HMG20A: variants seen among roughly 807,000 people sequenced by gnomAD.
HMG20A encodes the protein high mobility group 20A, also known as high mobility group protein 20A.
A neutral mutation model predicts 43.9 loss-of-function variants in HMG20A; 17 were observed. The observed-to-expected ratio is 0.39, with a 90% CI of 0.27 to 0.58. The LOEUF (loss-of-function observed/expected upper bound fraction) is 0.58. Ranked by LOEUF, HMG20A falls within the 20% of genes least tolerant of loss-of-function variation. The pLI, the probability that HMG20A is intolerant of heterozygous loss-of-function variation, is 0.59. For synonymous variants in HMG20A, 132 were observed against 147.5 expected (o/e 0.89, Z 0.76); for missense variants, 341 against 438.2 (o/e 0.78, Z 1.98).
At chr15:77,457,230 A>G (rs913590744) in intron 1 of HMG20A, among the ~76,000 whole-genome samples, 86 of 152,260 alleles carry the variant, frequency 5.6e-4, no homozygotes, top group African/African-American at 2.0e-3. Flanking sequence ...CATTTTCTTC[A>G]TATTTCCACC....
Position 77,464,393 on chromosome 15 carries a change from C to T in HMG20A, c.237+6C>T. On this transcript the variant is annotated splice_donor_region_variant and intron_variant, in intron 3 of 9. Coordinates refer to ENST00000336216, the MANE Select transcript of HMG20A (RefSeq NM_001304504.2). ...AACAGAGGCATGAAGATGAGGTAAG[C>T]TGAAGTATCTCCTTCTGTTCCTATC... The T allele has an allele frequency of 6.2e-7, 1 of 1,612,808 alleles. No homozygotes were observed. The highest frequency in any genetic ancestry group is 8.5e-7 in the Non-Finnish European group (1 of 1,179,162).
chr15:77,507,828 T>G, the HMG20A span, among the ~76,000 whole-genome samples: 2 of 139,814 alleles, frequency 1.4e-5, no homozygotes, highest in African/African-American at 2.7e-5. Context: ...GGCACAGGGG[T>G]GGGTAAAGAT....
At chr15:77,509,770 G>C in the HMG20A span, among the ~76,000 whole-genome samples, 836 of 151,940 alleles carry the variant, frequency 5.5e-3, 4 homozygotes, top group African/African-American at 0.018. Context: ...AGCCAGGCAT[G>C]GTGGTGCATG....
chr15:77,460,614 A>C (rs1410724148), intron 2 of HMG20A, among the ~76,000 whole-genome samples: 1 of 152,220 alleles, frequency 6.6e-6, no homozygotes, highest in African/African-American at 2.4e-5. Context: ...GAATGAGATC[A>C]CCAAAGAAAT....
intron 1 of HMG20A, among the ~76,000 whole-genome samples, chr15:77,444,015 T>C (rs761906125): frequency 4.6e-5 from 7 of 152,200 alleles, no homozygotes; most frequent in Non-Finnish European, 1.0e-4. Flanking sequence ...CCGACCTGTA[T>C]CTATTCTTTT....
At chr15:77,477,672 C>G (rs1215652431) in intron 7 of HMG20A, 42 bp downstream of exon 7, 2 of 1,340,070 alleles carry the variant, frequency 1.5e-6, no homozygotes, top group Admixed American at 3.5e-5. Flanking sequence ...AGATTTTTGA[C>G]AGGGGACTTA....
At chr15:77,518,050 A>T in the HMG20A span, among the ~76,000 whole-genome samples, 1 of 152,192 alleles carries the variant, frequency 6.6e-6, no homozygotes, top group Admixed American at 6.5e-5. Context: ...GTTCACTCTC[A>T]TCAACACTAG....
chr15:77,427,935 T>C (rs1368811554), intron 1 of HMG20A, among the ~76,000 whole-genome samples: 1 of 152,178 alleles, frequency 6.6e-6, no homozygotes, highest in Admixed American at 6.5e-5. Flanking sequence ...AACCAGTAAG[T>C]GGTAGAGACA....
the HMG20A span, among the ~76,000 whole-genome samples, chr15:77,495,646 C>T: frequency 1.3e-5 from 2 of 152,174 alleles, no homozygotes; most frequent in Non-Finnish European, 2.9e-5. Flanking sequence ...TCCCAAAAGC[C>T]TCTGGAAGAA....
chr15:77,505,090 C>T, the HMG20A span, among the ~76,000 whole-genome samples: 28 of 152,138 alleles, frequency 1.8e-4, no homozygotes, highest in Non-Finnish European at 3.2e-4. Context: ...CTTGATCAAA[C>T]GCCTTCCTCT....
rs538461191 is a variant in HMG20A at position 77,446,794 on chromosome 15, G to A, written c.-4-11610G>A. Among the ~76,000 whole-genome samples the A allele has an allele frequency of 6.4e-4, 95 of 148,566 alleles. 1 individual carries two copies. Among genetic ancestry groups the A allele is most frequent in the South Asian group, 3.8e-3 (18 of 4,724 alleles). The stretch of plus-strand genomic sequence containing the variant: ...TGCACTCCAGCCTGGGTGACAGAGC[G>A]AGACTCCGTCTCAAAAAAAAAAAAA... On this transcript the variant is annotated intron_variant, in intron 1 of 9. Coordinates refer to ENST00000336216, the MANE Select transcript of HMG20A (RefSeq NM_001304504.2).
At chr15:77,428,078 TG>T (rs2142269033) in intron 1 of HMG20A, among the ~76,000 whole-genome samples, 1 of 152,354 alleles carries the variant, frequency 6.6e-6, no homozygotes, top group South Asian at 2.1e-4. Context: ...AATCAAGCAC[TG>T]ACTTACCTGT....
At chr15:77,510,254 C>T in the HMG20A span, among the ~76,000 whole-genome samples, 2 of 152,170 alleles carry the variant, frequency 1.3e-5, no homozygotes, top group African/African-American at 2.4e-5. Flanking sequence ...CCCCAACCCT[C>T]GGGAGGTAGG....
chr15:77,440,242 A>G (rs1211674635), intron 1 of HMG20A, among the ~76,000 whole-genome samples: 1 of 152,146 alleles, frequency 6.6e-6, no homozygotes, highest in African/African-American at 2.4e-5. Context: ...CCTCTTTAAG[A>G]AATCTTTGCC....
chr15:77,514,736 G>T, the HMG20A span, among the ~76,000 whole-genome samples: 749 of 152,272 alleles, frequency 4.9e-3, 5 homozygotes, highest in African/African-American at 0.017. Flanking sequence ...TAAGAGGGAA[G>T]CGACATAATC....
chr15:77,439,530 T>C (rs2073588580), intron 1 of HMG20A, among the ~76,000 whole-genome samples: 1 of 152,218 alleles, frequency 6.6e-6, no homozygotes, highest in African/African-American at 2.4e-5. Context: ...GGCTCATCAT[T>C]ATATCTATGA....
chr15:77,425,435 A>G (rs558502814), intron 1 of HMG20A, among the ~76,000 whole-genome samples: 2 of 152,338 alleles, frequency 1.3e-5, no homozygotes, highest in South Asian at 2.1e-4. Context: ...CACAATGGCT[A>G]TCATACATTA....
In HMG20A at chr15:77,484,605, TA is replaced by T. The variant is rs981022634; in HGVS notation, c.*1646del. 3.3e-5 allele frequency: 5 copies of T among 152,262 alleles called. No homozygotes were observed. The highest frequency in any genetic ancestry group is 4.8e-5 in the African/African-American group (2 of 41,462). 9.4% of individuals were successfully genotyped at this position (152,262 alleles called of 1,614,324 possible). A position where few individuals can be genotyped will look rare whatever the true frequency, so the allele number is the denominator to read the frequency against. ...AAACAACAGCAACAAAATCTGTTTTTAAAATGTCTTATATGAACATATATCA... is the reference window on the plus strand; with the variant it reads ...AAACAACAGCAACAAAATCTGTTTTTAAATGTCTTATATGAACATATATCA... On this transcript the variant is annotated 3_prime_UTR_variant, in exon 10 of 10. Coordinates refer to ENST00000336216, the MANE Select transcript of HMG20A (RefSeq NM_001304504.2).
chr15:77,482,890 C>T (rs1003567588), intron 9 of HMG20A, 80 bp from the exon 10 acceptor site: 1 of 152,230 alleles, frequency 6.6e-6, no homozygotes, highest in African/African-American at 2.4e-5. Context: ...CTAACCCCTT[C>T]CATTCAATAC....
Sources: gnomAD v4.1 joint callset for allele counts (sites outside exome capture counted in the v4.1 genomes callset) on GRCh38, gnomAD v4.1.1 for gene constraint, MANE v1.5 for transcripts, NCBI Gene and HGNC (gene_info 2026-07-23, HGNC 2026-07-21) for gene names.